Variants in CSMD2 observed in about 807,000 individuals in gnomAD.
CSMD2 encodes the protein CUB and sushi domain-containing protein 2.
In CSMD2, 130 loss-of-function variants were observed where a neutral mutation model predicts 398.5. That is an observed-to-expected ratio of 0.33 (90% CI 0.28 to 0.38). The LOEUF is 0.38. CSMD2 is among the 10% of genes least tolerant of loss of function. The pLI is 1.00. For missense variants in CSMD2, 3,829 were observed against 4,764.9 expected (o/e 0.80, Z 5.78); for synonymous variants, 1,828 against 1,908.5 (o/e 0.96, Z 1.10).
In CSMD2 at chr1:33,825,716, G is replaced by A. The variant is rs1412216726; in HGVS notation, c.1092C>T (p.Asn364=). 1.2e-6 allele frequency: 2 copies of A among 1,613,420 alleles called. No homozygotes were observed. The highest frequency in any genetic ancestry group is 1.7e-6 in the Non-Finnish European group (2 of 1,179,752). The change falls in exon 7 of 71, where the codon AAC becomes AAT. Residue 364 remains asparagine, a synonymous_variant. Transcript: ENST00000373381. ...ACTTACACACAGACGTCTTCTGGCT[G>A]TTGTCTTTGCTGGGCATCAGCTTCA... ...RGVKLMPSKD[N]SQKTSVLTQV...
At position 34,115,197 on chromosome 1, in the gene CSMD2, C is replaced by T. The variant is rs147959351; in HGVS notation, c.188-26004G>A. On this transcript the variant is annotated intron_variant, in intron 1 of 70. Coordinates refer to ENST00000373381, the MANE Select transcript of CSMD2 (RefSeq NM_001281956.2). The stretch of plus-strand genomic sequence containing the variant: ...CAGAAAGCTTATTTGAAAAAAATAA[C>T]GGCTGAAAACTTCCTAAATCTAAAG... Among the ~76,000 whole-genome samples the T allele has an allele frequency of 6.0e-3, 913 of 151,798 alleles. 14 individuals are homozygous for T. The highest frequency in any genetic ancestry group is 0.021 in the African/African-American group (866 of 41,414).
rs370588035 is a variant in CSMD2, at chr1:33,602,535, C to T, written c.6544G>A (p.Gly2182Arg). ...GTGCCGTTGGAAGAAGTGATGTTCCCGCCACAAGGGACTGCCAGGGAGGGA... is the reference window on the plus strand; with the variant it reads ...GTGCCGTTGGAAGAAGTGATGTTCCTGCCACAAGGGACTGCCAGGGAGGGA... Reference protein sequence around the residue: ...PLPKCEVPCGGNITSSNGTVY... With the variant: ...PLPKCEVPCGRNITSSNGTVY... The change falls in exon 43 of 71, where the codon GGG becomes AGG. Residue 2182 changes from glycine to arginine, a missense_variant. By Grantham distance (125) the Gly-to-Arg change is moderately radical. Coordinates refer to ENST00000373381, the MANE Select transcript of CSMD2 (RefSeq NM_001281956.2). The T allele has an allele frequency of 7.8e-5, 125 of 1,600,946 alleles. No homozygotes were observed. Among genetic ancestry groups the T allele is most frequent in the Middle Eastern group, 1.7e-4 (1 of 5,974 alleles).
chr1:34,129,420 G>A (rs1454399378), intron 1 of CSMD2, among the ~76,000 whole-genome samples: 2 of 152,140 alleles, frequency 1.3e-5, no homozygotes, highest in Non-Finnish European at 2.9e-5. Flanking sequence ...GGGAGGCTGA[G>A]GCAGGCAGAT....
At chr1:34,003,527 C>A (rs144614367) in intron 3 of CSMD2, among the ~76,000 whole-genome samples, 1 of 152,166 alleles carries the variant, frequency 6.6e-6, no homozygotes, top group Admixed American at 6.5e-5. Flanking sequence ...ATTGATTGGA[C>A]GCTGGGTGCC....
intron 49 of CSMD2, 45 bp from the exon 50 acceptor site, chr1:33,572,736 T>C (rs1659709466): frequency 1.4e-6 from 2 of 1,470,800 alleles, no homozygotes; most frequent in African/African-American, 1.4e-5. Context: ...TTTAAGATGG[T>C]ATTCTGAGAA....
intron 37 of CSMD2, among the ~76,000 whole-genome samples, chr1:33,620,963 T>TCAGA (rs1168316722): frequency 6.6e-6 from 1 of 152,154 alleles, no homozygotes; most frequent in African/African-American, 2.4e-5. Flanking sequence ...TCTGACCCAA[T>TCAGA]CAGACATCTA....
chr1:34,010,234 C>T (rs1296023587), intron 3 of CSMD2, among the ~76,000 whole-genome samples: 1 of 152,218 alleles, frequency 6.6e-6, no homozygotes, highest in Non-Finnish European at 1.5e-5. Flanking sequence ...ATCCCTTCCT[C>T]TCCACTTCTT....
At chr1:33,749,289 C>A (rs1647865647) in intron 13 of CSMD2, among the ~76,000 whole-genome samples, 1 of 151,764 alleles carries the variant, frequency 6.6e-6, no homozygotes, top group Non-Finnish European at 1.5e-5. Context: ...TTAGTAGAGA[C>A]AGGGTTTCGC....
intron 1 of CSMD2, among the ~76,000 whole-genome samples, chr1:34,144,499 A>G (rs1430584619): frequency 6.6e-6 from 1 of 152,168 alleles, no homozygotes; most frequent in Admixed American, 6.5e-5. Flanking sequence ...TAACTTACCC[A>G]GCAAGCCTTG....
intron 25 of CSMD2, among the ~76,000 whole-genome samples, chr1:33,674,010 A>C (rs1644609879): frequency 1.3e-5 from 2 of 152,254 alleles, no homozygotes; most frequent in South Asian, 4.1e-4. Flanking sequence ...AAAACATGCC[A>C]AATTGTAAAG....
intron 5 of CSMD2, among the ~76,000 whole-genome samples, chr1:33,888,770 T>TGTTGTTGTC (rs1325790875): frequency 2.6e-5 from 4 of 151,544 alleles, no homozygotes; most frequent in African/African-American, 7.3e-5. Flanking sequence ...TTGTTGTTGT[T>TGTTGTTGTC]GTTGTTGTTG....
chr1:33,815,627 A>T (rs1213869157), intron 9 of CSMD2, among the ~76,000 whole-genome samples: 1 of 152,244 alleles, frequency 6.6e-6, no homozygotes, highest in Admixed American at 6.5e-5. Context: ...AACTCAACAG[A>T]TGTAGCTTTG....
chr1:34,117,239 GAGA>G (rs1178785061), intron 1 of CSMD2, among the ~76,000 whole-genome samples: 1 of 151,934 alleles, frequency 6.6e-6, no homozygotes, highest in African/African-American at 2.4e-5. Flanking sequence ...TAGAAAAATA[GAGA>G]AGCTCAAATA....
chr1:34,061,007 G>A (rs954979161), intron 2 of CSMD2, among the ~76,000 whole-genome samples: 10 of 152,190 alleles, frequency 6.6e-5, no homozygotes, highest in South Asian at 2.1e-4. Context: ...ACCATAATCC[G>A]TAGCCGTGGA....
chr1:33,570,162 T>C (rs1383605875), intron 51 of CSMD2, among the ~76,000 whole-genome samples: 2 of 137,450 alleles, frequency 1.5e-5, no homozygotes, highest in Admixed American at 8.8e-5. Context: ...ATCACGGACA[T>C]TGGCTTTTTT....
chr1:33,725,974 G>A (rs1281792163), intron 16 of CSMD2, among the ~76,000 whole-genome samples: 2 of 151,664 alleles, frequency 1.3e-5, no homozygotes, highest in Admixed American at 6.6e-5. Flanking sequence ...TATGCAAGTA[G>A]GCAAGTGGCC....
At chr1:33,960,276 G>A (rs1290123044) in intron 3 of CSMD2, among the ~76,000 whole-genome samples, 1 of 152,130 alleles carries the variant, frequency 6.6e-6, no homozygotes, top group Non-Finnish European at 1.5e-5. Flanking sequence ...CCTCTGTGCT[G>A]GAAACTGTCT....
At chr1:33,615,781 G>A (rs1280282114) in intron 39 of CSMD2, among the ~76,000 whole-genome samples, 1 of 152,190 alleles carries the variant, frequency 6.6e-6, no homozygotes, top group African/African-American at 2.4e-5. Context: ...TTTCTGACCT[G>A]CTCCACAGAT....
intron 58 of CSMD2, among the ~76,000 whole-genome samples, chr1:33,542,358 AT>A (rs1446447022): frequency 6.6e-6 from 1 of 152,206 alleles, no homozygotes; most frequent in African/African-American, 2.4e-5. Flanking sequence ...CTGGGGTTTG[AT>A]TCTAAGAGAT....
Sources: gnomAD v4.1 joint callset for allele counts (sites outside exome capture counted in the v4.1 genomes callset) on GRCh38, gnomAD v4.1.1 for gene constraint, MANE v1.5 for transcripts, NCBI Gene and HGNC (gene_info 2026-07-23, HGNC 2026-07-21) for gene names.